The following NDUFAF6 variants were observed in gnomAD, a reference collection of about 807,000 sequenced individuals.
The protein encoded by NDUFAF6 is NADH dehydrogenase (ubiquinone) complex I, assembly factor 6.
NDUFAF6 carries 45 observed loss-of-function variants against 40.8 expected under a neutral mutation model. That is an observed-to-expected ratio of 1.10 (90% CI 0.87 to 1.42). The LOEUF is 1.42. Among genes scored for constraint, NDUFAF6 ranks in the 40% most tolerant of loss-of-function variants. The pLI, the probability that NDUFAF6 is intolerant of heterozygous loss-of-function variation, is 0.00. For missense variants in NDUFAF6, 435 were observed against 418.5 expected (o/e 1.04, Z -0.34); for synonymous variants, 185 against 155.9 (o/e 1.19, Z -1.39).
At chr8:95,106,191 C>A (rs1196035654), downstream of NDUFAF6, among the ~76,000 whole-genome samples, 1 of 151,048 alleles carries the variant, frequency 6.6e-6, no homozygotes, top group East Asian at 2.0e-4. Context: ...AGGAGAATGG[C>A]GTGAACATGG....
At chr8:94,897,172 G>A (rs1258482983) in intron 1 of NDUFAF6, among the ~76,000 whole-genome samples, 2 of 152,186 alleles carry the variant, frequency 1.3e-5, no homozygotes, top group Non-Finnish European at 2.9e-5. Context: ...AAACCAGTAT[G>A]TCGAGTAACG....
At chr8:95,024,971 C>G (rs1316203380), upstream of NDUFAF6, 1 of 1,291,734 alleles carries the variant, frequency 7.7e-7, no homozygotes, top group African/African-American at 1.5e-5. Context: ...AGCTGCGCGC[C>G]GACGGCGGGG....
intron 2 of NDUFAF6, among the ~76,000 whole-genome samples, chr8:94,991,806 C>T (rs944267512): frequency 5.1e-5 from 7 of 137,008 alleles, no homozygotes; most frequent in African/African-American, 1.8e-4. Flanking sequence ...GCCCCCCCCC[C>T]CTTTTTTTTT....
chr8:95,045,362 G>C (rs1041005178), intron 4 of NDUFAF6, among the ~76,000 whole-genome samples, 183 bp from the exon 5 acceptor site: 1 of 152,028 alleles, frequency 6.6e-6, no homozygotes, highest in Non-Finnish European at 1.5e-5. Flanking sequence ...ATTTTGAGGT[G>C]GTGATTTCAA....
At chr8:94,959,022 C>T (rs1823325484) in intron 1 of NDUFAF6, among the ~76,000 whole-genome samples, 1 of 152,166 alleles carries the variant, frequency 6.6e-6, no homozygotes, top group African/African-American at 2.4e-5. Flanking sequence ...ATTACAACTA[C>T]TGGTATTGCT....
chr8:94,932,041 T>G, intron 1 of NDUFAF6: 1 of 1,601,970 alleles, frequency 6.2e-7, no homozygotes, highest in Non-Finnish European at 8.5e-7. Context: ...CATACATATA[T>G]CACACAGTCT....
downstream of NDUFAF6, among the ~76,000 whole-genome samples, chr8:95,060,353 TTGAA>T (rs968341819): frequency 1.3e-5 from 2 of 152,228 alleles, no homozygotes; most frequent in African/African-American, 2.4e-5. Flanking sequence ...TGCTTTGTTG[TTGAA>T]TAAGTGGATA....
intron 2 of NDUFAF6, among the ~76,000 whole-genome samples, chr8:94,985,475 A>ATG (rs1825744597): frequency 7.2e-4 from 1 of 1,386 alleles, no homozygotes; most frequent in Non-Finnish European, 1.6e-3. Flanking sequence ...AATTATATAT[A>ATG]TATATATATA....
At chr8:95,098,904 A>G (rs898418422), upstream of NDUFAF6, among the ~76,000 whole-genome samples, 3 of 152,304 alleles carry the variant, frequency 2.0e-5, no homozygotes, top group East Asian at 5.8e-4. Flanking sequence ...CCTGGGCGAC[A>G]GAGTAAGACT....
upstream of NDUFAF6, chr8:95,024,930 A>G: frequency 8.4e-7 from 1 of 1,192,198 alleles, no homozygotes; most frequent in African/African-American, 1.6e-5. Flanking sequence ...AAAGGAGCAT[A>G]GGGGAACCTG....
chr8:95,107,963 C>A (rs1809889352), downstream of NDUFAF6, among the ~76,000 whole-genome samples: 1 of 152,196 alleles, frequency 6.6e-6, no homozygotes, highest in Admixed American at 6.5e-5. Flanking sequence ...GCTGTGTTGG[C>A]AAGTCCTCCC....
chr8:95,099,338 G>GAA (rs10647991), upstream of NDUFAF6, among the ~76,000 whole-genome samples: 31,894 of 140,724 alleles, frequency 0.23, 4,386 homozygotes, highest in African/African-American at 0.4. Flanking sequence ...CTTCCAGCTG[G>GAA]AAAAAAAAAA....
At chr8:94,933,538 G>A (rs192887236) in intron 1 of NDUFAF6, among the ~76,000 whole-genome samples, 1 of 152,252 alleles carries the variant, frequency 6.6e-6, no homozygotes, top group African/African-American at 2.4e-5. Flanking sequence ...GCCAAGGCAG[G>A]TGGCTCACCT....
At chr8:94,953,645 C>T (rs2131437873), upstream of NDUFAF6, among the ~76,000 whole-genome samples, 1 of 152,336 alleles carries the variant, frequency 6.6e-6, no homozygotes, top group East Asian at 1.9e-4. Context: ...CCAGAGGCAA[C>T]CTGAGGTGGG....
intron 1 of NDUFAF6, among the ~76,000 whole-genome samples, chr8:94,963,056 G>T (rs1029892655): frequency 7.2e-5 from 11 of 151,902 alleles, no homozygotes; most frequent in Non-Finnish European, 4.4e-5. Flanking sequence ...CTCCCAAAGT[G>T]CTGGGATTAC....
chr8:94,925,802 A>G (rs1019201519), intron 1 of NDUFAF6, among the ~76,000 whole-genome samples: 1 of 152,190 alleles, frequency 6.6e-6, no homozygotes, highest in Non-Finnish European at 1.5e-5. Flanking sequence ...GGCCTTCCAA[A>G]TTGCTGGGAT....
chr8:95,038,382 T>G (rs779006572), intron 3 of NDUFAF6, among the ~76,000 whole-genome samples: 2 of 152,114 alleles, frequency 1.3e-5, no homozygotes, highest in Non-Finnish European at 2.9e-5. Flanking sequence ...TTTTTGTTTT[T>G]TTTTTTGAGA....
chr8:95,095,051 G>A (rs1587269624), intron 2 of NDUFAF6, among the ~76,000 whole-genome samples: 1 of 151,950 alleles, frequency 6.6e-6, no homozygotes, highest in Non-Finnish European at 1.5e-5. Flanking sequence ...ACCATGCCTG[G>A]CCCACATTTT....
At chr8:95,095,733 C>T (rs1209888267), upstream of NDUFAF6, among the ~76,000 whole-genome samples, 1 of 151,526 alleles carries the variant, frequency 6.6e-6, no homozygotes, top group African/African-American at 2.4e-5. Flanking sequence ...AGCATGATCT[C>T]AGCTCATTGC....
Sources: gnomAD v4.1 joint callset for allele counts (sites outside exome capture counted in the v4.1 genomes callset) on GRCh38, gnomAD v4.1.1 for gene constraint, MANE v1.5 for transcripts, NCBI Gene and HGNC (gene_info 2026-07-23, HGNC 2026-07-21) for gene names.